RBFOX1: variants seen among roughly 807,000 people sequenced by gnomAD.
RBFOX1 encodes RNA binding fox-1 homolog 1, also known as RNA binding protein fox-1 homolog 1.
In RBFOX1, 8 loss-of-function variants were observed where a neutral mutation model predicts 57.7. That is an observed-to-expected ratio of 0.14 (90% CI 0.08 to 0.25). The LOEUF (loss-of-function observed/expected upper bound fraction) is 0.25. Among genes scored for constraint, RBFOX1 ranks in the 10% least tolerant of loss-of-function variants. The pLI is 1.00. For synonymous variants in RBFOX1, 326 were observed against 222.4 expected, an observed-to-expected ratio of 1.47 and a Z score of -4.15; for missense variants, 611 against 548.5, an observed-to-expected ratio of 1.11 and a Z score of -1.14.
intron 3 of RBFOX1, among the ~76,000 whole-genome samples, chr16:6,769,918 G>C (rs988484290): frequency 6.6e-6 from 1 of 152,190 alleles, no homozygotes; most frequent in African/African-American, 2.4e-5. Flanking sequence ...TAAGTCTGTT[G>C]TTTAGAGGGG....
At chr16:5,286,883 G>T (rs776139477) in intron 1 of RBFOX1, among the ~76,000 whole-genome samples, 13 of 152,212 alleles carry the variant, frequency 8.5e-5, no homozygotes, top group African/African-American at 3.1e-4. Flanking sequence ...CAGAGGGCCA[G>T]ATTTGGCCCT....
intron 1 of RBFOX1, among the ~76,000 whole-genome samples, chr16:5,280,908 T>A (rs1228697866): frequency 6.6e-6 from 1 of 151,824 alleles, no homozygotes; most frequent in Non-Finnish European, 1.5e-5. Flanking sequence ...TGTTGATTAT[T>A]TGCATTTCTT....
rs540761020 is a variant in RBFOX1 at position 7,022,929 on chromosome 16, CTTCA to C, written c.-15-29124_-15-29121del. ...GCACCCCATTGTCTCACTCTTGAGT[CTTCA>C]TTCTTTATCACTAAATAGACACAGC... On this transcript the variant is annotated intron_variant, in intron 3 of 15. Coordinates refer to ENST00000550418, the MANE Select transcript of RBFOX1 (RefSeq NM_018723.4). Among the ~76,000 whole-genome samples the C allele has an allele frequency of 5.9e-5, 9 of 152,282 alleles. No individual in the cohort carries two copies. The South Asian group carries it at 1.9e-3, about 32-fold the overall frequency.
intron 4 of RBFOX1, among the ~76,000 whole-genome samples, chr16:7,184,518 G>T (rs2083339834): frequency 6.6e-6 from 1 of 152,166 alleles, no homozygotes; most frequent in African/African-American, 2.4e-5. Context: ...CTGTCTCATG[G>T]TCAAAAGTTA....
intron 1 of RBFOX1, among the ~76,000 whole-genome samples, chr16:6,264,200 A>G (rs2097719012): frequency 6.6e-6 from 1 of 152,106 alleles, no homozygotes; most frequent in Non-Finnish European, 1.5e-5. Flanking sequence ...TGGATAATCC[A>G]TCTGGATCAC....
chr16:6,979,504 A>G (rs1447477785), intron 3 of RBFOX1, among the ~76,000 whole-genome samples: 1 of 152,202 alleles, frequency 6.6e-6, no homozygotes, highest in Non-Finnish European at 1.5e-5. Context: ...GAAGGGCTGT[A>G]TGTTGTAGTT....
At chr16:6,042,521 C>T (rs1035527591) in intron 1 of RBFOX1, among the ~76,000 whole-genome samples, 30 of 152,128 alleles carry the variant, frequency 2.0e-4, no homozygotes, top group African/African-American at 6.5e-4. Context: ...ACTTAATTTA[C>T]ACATTTAATT....
chr16:6,905,519 C>G (rs904736225), intron 3 of RBFOX1, among the ~76,000 whole-genome samples: 2 of 150,308 alleles, frequency 1.3e-5, no homozygotes, highest in African/African-American at 4.9e-5. Flanking sequence ...TGCCACTGCA[C>G]TCTAGCCTAG....
chr16:6,951,107 A>G (rs931732501), intron 3 of RBFOX1, among the ~76,000 whole-genome samples: 4 of 151,958 alleles, frequency 2.6e-5, no homozygotes, highest in Non-Finnish European at 2.9e-5. Flanking sequence ...GGGACTCCCT[A>G]TGTTGCCCAG....
chr16:7,409,094 C>A (rs1459247606), intron 4 of RBFOX1, among the ~76,000 whole-genome samples: 4 of 152,188 alleles, frequency 2.6e-5, no homozygotes, highest in Admixed American at 2.6e-4. Flanking sequence ...TCCCGATAAC[C>A]CTGAGCTGCG....
chr16:5,755,386 G>C (rs954402876), intron 3 of RBFOX1, among the ~76,000 whole-genome samples: 2 of 152,164 alleles, frequency 1.3e-5, no homozygotes, highest in Non-Finnish European at 2.9e-5. Context: ...GACAGATTGG[G>C]TGAGGCCAAG....
rs558539201 is a variant in RBFOX1 at position 5,819,950 on chromosome 16, C to A, written c.319-47353C>A. ...TTTCTGCTGGCCTTTATCGTCGCAT[C>A]CCACTCTGTTGAGGTACCTTGCTTA... On this transcript the variant is annotated intron_variant, in intron 3 of 19. Transcript: ENST00000641259. Among the ~76,000 whole-genome samples, 5 of 152,288 alleles carry A rather than the reference C, an allele frequency of 3.3e-5. No individual in the cohort carries two copies. The East Asian group carries it at 7.7e-4, about 24-fold the overall frequency.
At chr16:7,681,367 A>G (rs2074691527) in intron 14 of RBFOX1, among the ~76,000 whole-genome samples, 1 of 152,132 alleles carries the variant, frequency 6.6e-6, no homozygotes, top group Non-Finnish European at 1.5e-5. Flanking sequence ...AAATAGGACT[A>G]AATCCTTATG....
chr16:6,603,263 C>T (rs1290347223), intron 2 of RBFOX1, among the ~76,000 whole-genome samples: 1 of 152,092 alleles, frequency 6.6e-6, no homozygotes, highest in Non-Finnish European at 1.5e-5. Flanking sequence ...GAGAGACTGA[C>T]CCCGGGGAAA....
At chr16:5,725,156 G>A (rs1273386752) in intron 3 of RBFOX1, among the ~76,000 whole-genome samples, 2 of 152,198 alleles carry the variant, frequency 1.3e-5, no homozygotes, top group African/African-American at 4.8e-5. Context: ...CTGTTGCAGA[G>A]GAGGCTAGGC....
intron 4 of RBFOX1, among the ~76,000 whole-genome samples, chr16:7,444,082 CAT>C (rs1426754248): frequency 6.6e-6 from 1 of 152,222 alleles, no homozygotes; most frequent in Non-Finnish European, 1.5e-5. Context: ...CAAGACCACA[CAT>C]GTGCAAAACT....
intron 4 of RBFOX1, among the ~76,000 whole-genome samples, chr16:7,112,214 A>G (rs2064927019): frequency 6.6e-6 from 1 of 151,978 alleles, no homozygotes; most frequent in Non-Finnish European, 1.5e-5. Context: ...TCAGCAAACC[A>G]ATTCATTTTT....
At chr16:5,584,112 C>G (rs1012418961) in intron 2 of RBFOX1, among the ~76,000 whole-genome samples, 2 of 152,202 alleles carry the variant, frequency 1.3e-5, no homozygotes, top group African/African-American at 4.8e-5. Context: ...CTCTCAGGAG[C>G]CCTGAGGAAA....
rs149424076 is a variant in RBFOX1, at chr16:6,459,984, CAAAAAAAAAAAAAAAAAAAAAAAAAA to C, written c.-64+142946_-64+142971del. Among the ~76,000 whole-genome samples the C allele has an allele frequency of 7.5e-3, 359 of 47,698 alleles. 5 individuals carry two copies. Among genetic ancestry groups the C allele is most frequent in the African/African-American group, 0.022 (334 of 15,508 alleles). 31.3% of individuals were successfully genotyped at this position (47,698 alleles called of 152,430 possible). On this transcript the variant is annotated intron_variant, in intron 2 of 15. Coordinates refer to ENST00000550418, the MANE Select transcript of RBFOX1 (RefSeq NM_018723.4). ...GGGCAACAAGAGTGAAACTCCATCTCAAAAAAAAAAAAAAAAAAAAAAAAAAAAAAAAAAAAAAAAAAAATTCTTGC... is the reference window on the plus strand; with the variant it reads ...GGGCAACAAGAGTGAAACTCCATCTCAAAAAAAAAAAAAAAAAATTCTTGC...
Sources: gnomAD v4.1 joint callset for allele counts (sites outside exome capture counted in the v4.1 genomes callset) on GRCh38, gnomAD v4.1.1 for gene constraint, MANE v1.5 for transcripts, NCBI Gene and HGNC (gene_info 2026-07-23, HGNC 2026-07-21) for gene names.